Variants in MITF observed in about 807,000 individuals in gnomAD.
The protein encoded by MITF is microphthalmia-associated transcription factor.
MITF carries 17 observed loss-of-function variants against 60.5 expected under a neutral mutation model. That is an observed-to-expected ratio of 0.28 (90% CI 0.19 to 0.42). The LOEUF is 0.42. MITF is among the 10% of genes least tolerant of loss of function. The pLI is 1.00. For synonymous variants in MITF, 260 were observed against 248.5 expected (o/e 1.05, Z -0.43); for missense variants, 622 against 683.5 (o/e 0.91, Z 1.00).
At chr3:69,796,517 T>TTTTTTTTTTTTTTTTA in intron 1 of MITF, among the ~76,000 whole-genome samples, 1 of 117,346 alleles carries the variant, frequency 8.5e-6, no homozygotes, top group Non-Finnish European at 1.9e-5. Context: ...TTTTTTTTTT[T>TTTTTTTTTTTTTTTTA]GAGACGGAGT....
In MITF at chr3:69,853,177, C is replaced by G. The variant is rs112902694; in HGVS notation, c.105-25957C>G. ...TTTTGGGGGAAGTTGTCAGAACAAC[C>G]TAGTAGTCCAGGCCAGAGTTTCACC... On this transcript the variant is annotated intron_variant, in intron 1 of 9. Transcript: ENST00000352241. Among the ~76,000 whole-genome samples, 7 of 151,914 alleles carry G rather than the reference C, an allele frequency of 4.6e-5. 1 individual carries two copies. The highest frequency in any genetic ancestry group is 1.7e-4 in the African/African-American group (7 of 41,420).
At chr3:69,803,937 A>C (rs970165501) in intron 1 of MITF, among the ~76,000 whole-genome samples, 1 of 151,964 alleles carries the variant, frequency 6.6e-6, no homozygotes, top group Non-Finnish European at 1.5e-5. Context: ...CAAATTAGCT[A>C]GGCTGTTAAT....
At chr3:69,869,935 G>A (rs1335961472) in intron 1 of MITF, among the ~76,000 whole-genome samples, 1 of 151,902 alleles carries the variant, frequency 6.6e-6, no homozygotes, top group Non-Finnish European at 1.5e-5. Context: ...AATCTCCTAA[G>A]ATGTAAACTT....
chr3:69,879,566 A>G (rs1441196285), intron 2 of MITF, among the ~76,000 whole-genome samples, 183 bp downstream of exon 2: 3 of 152,246 alleles, frequency 2.0e-5, no homozygotes, highest in Non-Finnish European at 4.4e-5. Context: ...ACGCATTGTA[A>G]CTGTAATAGT....
Position 69,967,729 on chromosome 3 carries a change from G to GCCT in MITF, c.*2483_*2484insTCC, listed in dbSNP as rs1299885314. 1 of 232,556 alleles carries GCCT rather than the reference G, an allele frequency of 4.3e-6. No homozygotes were observed. The highest frequency in any genetic ancestry group is 8.5e-6 in the Non-Finnish European group (1 of 117,732). 14.4% of individuals were successfully genotyped at this position (232,556 alleles called of 1,614,324 possible). On this transcript the variant is annotated 3_prime_UTR_variant, in exon 10 of 10. Coordinates refer to ENST00000352241, the MANE Select transcript of MITF (RefSeq NM_001354604.2). Reference sequence around the variant, plus strand: ...GGGTGGTTTTATTTATTTCTTTTTTGCCAAATAGAGTGTGGATTCATTTCA... The same window carrying GCCT: ...GGGTGGTTTTATTTATTTCTTTTTTGCCTCCAAATAGAGTGTGGATTCATTTCA...
intron 1 of MITF, among the ~76,000 whole-genome samples, chr3:69,833,833 G>T (rs2063494904): frequency 6.6e-6 from 1 of 152,214 alleles, no homozygotes; most frequent in Non-Finnish European, 1.5e-5. Context: ...TATACTGTAT[G>T]TAATTGTTTG....
At position 69,949,116 on chromosome 3, in the gene MITF, C is replaced by T; in HGVS notation, c.828C>T (p.Thr276=). 6.2e-7 allele frequency: 1 copy of T among 1,613,740 alleles called. No homozygotes were observed. Among genetic ancestry groups the T allele is most frequent in the Non-Finnish European group, 8.5e-7 (1 of 1,179,848 alleles). The stretch of plus-strand genomic sequence containing the variant: ...AAGGTCTGCCCCCACCAGGCCTCAC[C>T]ATCAGCAACTCCTGTCCAGCCAACC... ...GNQGLPPPGL[T]ISNSCPANLP... The change falls in exon 6 of 10, where the codon ACC becomes ACT. Residue 276 remains threonine (T), a synonymous_variant. Coordinates refer to ENST00000352241, the MANE Select transcript of MITF (RefSeq NM_001354604.2).
rs1559693114 is a variant in MITF at position 69,879,290 on chromosome 3, A to G, written c.261A>G (p.Gln87=). Residue 87 remains glutamine (Q), a synonymous_variant, in exon 2 of 10, where the codon CAA becomes CAG. Coordinates refer to ENST00000352241, the MANE Select transcript of MITF (RefSeq NM_001354604.2). The stretch of plus-strand genomic sequence containing the variant: ...AGCTGCAGGCGGCCCAGTTCATGCA[A>G]CAGAGAGTGCCCGTGAGTCAGACAC... The part of the protein sequence containing the change: ...QQKLQAAQFM[Q]QRVPVSQTPA... 1 of 1,614,236 alleles carries G rather than the reference A, an allele frequency of 6.2e-7. No homozygotes were observed. The highest frequency in any genetic ancestry group is 1.1e-5 in the South Asian group (1 of 91,092).
At chr3:69,887,439 C>G (rs769088868) in intron 2 of MITF, among the ~76,000 whole-genome samples, 2 of 152,076 alleles carry the variant, frequency 1.3e-5, no homozygotes, top group African/African-American at 2.4e-5. Flanking sequence ...AATATTGGCT[C>G]TTGCCCTGAA....
chr3:69,851,248 T>C (rs1207251925), intron 1 of MITF, among the ~76,000 whole-genome samples: 1 of 152,204 alleles, frequency 6.6e-6, no homozygotes, highest in African/African-American at 2.4e-5. Context: ...GAATACTGAC[T>C]TATACTTTTC....
intron 1 of MITF, among the ~76,000 whole-genome samples, chr3:69,816,671 C>T (rs2063186820): frequency 6.6e-6 from 1 of 152,168 alleles, no homozygotes; most frequent in African/African-American, 2.4e-5. Context: ...ATCTCTCTGA[C>T]TTAGCTGCTT....
intron 1 of MITF, among the ~76,000 whole-genome samples, chr3:69,838,397 G>T (rs2063572385): frequency 6.6e-6 from 1 of 151,768 alleles, no homozygotes; most frequent in African/African-American, 2.4e-5. Context: ...ATGAGTAAAT[G>T]AAACAACTGT....
chr3:69,757,248 A>G (rs1472720284), intron 1 of MITF, among the ~76,000 whole-genome samples: 1 of 152,218 alleles, frequency 6.6e-6, no homozygotes, highest in South Asian at 2.1e-4. Flanking sequence ...ATATATTCAT[A>G]CAAACATATG....
intron 1 of MITF, among the ~76,000 whole-genome samples, chr3:69,871,093 A>G (rs1575851826): frequency 6.6e-6 from 1 of 152,286 alleles, no homozygotes; most frequent in Middle Eastern, 3.4e-3. Flanking sequence ...TCAATGTCAT[A>G]TAAACACTGG....
intron 1 of MITF, among the ~76,000 whole-genome samples, chr3:69,776,931 ACT>A (rs1464313072): frequency 2.0e-5 from 3 of 152,118 alleles, no homozygotes; most frequent in Non-Finnish European, 4.4e-5. Context: ...TTCCACAAAC[ACT>A]CTGTGGAAAT....
At chr3:69,773,880 A>T (rs2062432517) in intron 1 of MITF, among the ~76,000 whole-genome samples, 1 of 152,206 alleles carries the variant, frequency 6.6e-6, no homozygotes, top group African/African-American at 2.4e-5. Context: ...TGATTTGTAG[A>T]GTATTGCACT....
chr3:69,967,193 AG>A lies in MITF; in HGVS notation c.*1946del, dbSNP rs2066710219. On this transcript the variant is annotated 3_prime_UTR_variant, in exon 10 of 10. Coordinates refer to ENST00000352241, the MANE Select transcript of MITF (RefSeq NM_001354604.2). ...TAGTTCCCATGCACGCTGGGCAATG[AG>A]AATCCTTGGAAACATTGGTGATGCT... 4.3e-6 allele frequency: 1 copy of A among 232,424 alleles called. No individual in the cohort carries two copies. The highest frequency in any genetic ancestry group is 8.5e-6 in the Non-Finnish European group (1 of 117,328). The allele number at this position is 232,424 out of a possible 1,614,324, so 14.4% of individuals were successfully genotyped here.
At chr3:69,785,198 G>C (rs1442728868) in intron 1 of MITF, among the ~76,000 whole-genome samples, 3 of 152,140 alleles carry the variant, frequency 2.0e-5, no homozygotes, top group Admixed American at 2.0e-4. Flanking sequence ...TTCTTCATGA[G>C]GGCTGAGGCA....
At chr3:69,744,602 G>A (rs548368578) in intron 1 of MITF, among the ~76,000 whole-genome samples, 1 of 152,302 alleles carries the variant, frequency 6.6e-6, no homozygotes, top group Admixed American at 6.5e-5. Flanking sequence ...CATAGTAAAT[G>A]CTCAGTAAAT....
Sources: allele counts gnomAD v4.1 joint callset (sites outside exome capture counted in the v4.1 genomes callset), GRCh38; gene constraint gnomAD v4.1.1; transcripts MANE v1.5; gene names NCBI Gene and HGNC (gene_info 2026-07-23, HGNC 2026-07-21).